TCF4: variants seen among roughly 807,000 people sequenced by gnomAD.
The protein encoded by TCF4 is transcription factor 4.
Under a neutral mutation model 82.1 loss-of-function variants are expected in TCF4, and 3 were observed. The ratio of observed to expected loss-of-function variants is 0.04; its 90% CI spans 0.02 to 0.09. TCF4 has a LOEUF of 0.09. Among genes scored for constraint, TCF4 ranks in the 10% least tolerant of loss-of-function variants. The pLI is 1.00. For missense variants in TCF4, 518 were observed against 852.7 expected (o/e 0.61, Z 4.89); for synonymous variants, 276 against 309.6 (o/e 0.89, Z 1.14).
intron 3 of TCF4, among the ~76,000 whole-genome samples, chr18:55,468,062 C>G (rs2096069984): frequency 6.6e-6 from 1 of 152,150 alleles, no homozygotes; most frequent in African/African-American, 2.4e-5. Flanking sequence ...GCTGAACGTT[C>G]CCTCCTGTCA....
intron 3 of TCF4, among the ~76,000 whole-genome samples, chr18:55,468,755 G>T (rs1485523277): frequency 6.6e-6 from 1 of 152,034 alleles, no homozygotes; most frequent in Non-Finnish European, 1.5e-5. Flanking sequence ...TGTGGTATGA[G>T]AAGTGTTTAC....
At chr18:55,423,380 AAAACTCCACGCACACACGCGTGCGCAG>A (rs532536002) in intron 5 of TCF4, 1 of 151,192 alleles carries the variant, frequency 6.6e-6, no homozygotes, top group African/African-American at 2.4e-5. Flanking sequence ...AGGCAGCATT[AAAACTCCACGCACACACGCGTGCGCAG>A]GAGAGGCACA....
At chr18:55,235,356 C>T (rs1166255833) in intron 15 of TCF4, among the ~76,000 whole-genome samples, 2 of 152,124 alleles carry the variant, frequency 1.3e-5, no homozygotes, top group Non-Finnish European at 2.9e-5. Context: ...GGAAAATGTA[C>T]CAATAAAGGT....
rs1391681420 is a variant in TCF4, at chr18:55,223,617, C to T, written c.*4418G>A. 1 of 151,616 alleles carries T rather than the reference C, an allele frequency of 6.6e-6. No individual in the cohort carries two copies. The highest frequency in any genetic ancestry group is 1.5e-5 in the Non-Finnish European group (1 of 67,882). The allele number at this position is 151,616 out of a possible 1,614,324, so 9.4% of individuals were successfully genotyped here. On this transcript the variant is annotated 3_prime_UTR_variant, in exon 20 of 20. Coordinates refer to ENST00000354452, the MANE Select transcript of TCF4 (RefSeq NM_001083962.2). The stretch of plus-strand genomic sequence containing the variant: ...TGGACACTTCTACAAATCAGAAATA[C>T]ACCAAAAACATGAAAAAATCGAGGC...
At chr18:55,251,230 T>C (rs538134793) in intron 15 of TCF4, among the ~76,000 whole-genome samples, 13 of 152,162 alleles carry the variant, frequency 8.5e-5, no homozygotes, top group African/African-American at 3.1e-4. Flanking sequence ...GGAAGGTTTT[T>C]GAGCAGGAAA....
chr18:55,568,548 TTTAA>T (rs1236702545), intron 3 of TCF4, among the ~76,000 whole-genome samples: 1 of 151,806 alleles, frequency 6.6e-6, no homozygotes, highest in Non-Finnish European at 1.5e-5. Context: ...TATATATATA[TTTAA>T]TTGTTAAAGT....
chr18:55,458,594 C>T (rs1229021201), intron 5 of TCF4, among the ~76,000 whole-genome samples: 1 of 152,146 alleles, frequency 6.6e-6, no homozygotes, highest in African/African-American at 2.4e-5. Context: ...AAATATGGCT[C>T]ATCTGAAAAG....
intron 3 of TCF4, among the ~76,000 whole-genome samples, chr18:55,568,132 A>T (rs1013633324): frequency 6.6e-6 from 1 of 151,546 alleles, no homozygotes; most frequent in African/African-American, 2.4e-5. Flanking sequence ...AGAAATTATG[A>T]TAAATTAGTG....
intron 3 of TCF4, among the ~76,000 whole-genome samples, chr18:55,583,088 T>A (rs1349474219): frequency 6.6e-6 from 1 of 152,136 alleles, no homozygotes; most frequent in Non-Finnish European, 1.5e-5. Context: ...GTACCCTACA[T>A]ATTATAATCA....
chr18:55,250,851 A>T (rs2054847320), intron 15 of TCF4, among the ~76,000 whole-genome samples: 1 of 152,140 alleles, frequency 6.6e-6, no homozygotes, highest in African/African-American at 2.4e-5. Flanking sequence ...AGCTATGCGG[A>T]GCTGGTTAAG....
intron 3 of TCF4, among the ~76,000 whole-genome samples, chr18:55,488,947 AT>A: frequency 6.6e-6 from 1 of 152,204 alleles, no homozygotes; most frequent in Non-Finnish European, 1.5e-5. Context: ...TAATCCTCCA[AT>A]TTACCCCACA....
chr18:55,344,372 T>C (rs552531381), intron 8 of TCF4, among the ~76,000 whole-genome samples: 3 of 152,292 alleles, frequency 2.0e-5, no homozygotes, highest in East Asian at 1.9e-4. Context: ...CTGGATGCCA[T>C]AGAAAAAGGT....
chr18:55,267,430 G>A (rs547410579), intron 11 of TCF4: 37 of 152,142 alleles, frequency 2.4e-4, no homozygotes, highest in African/African-American at 8.2e-4. Context: ...TGCCATCACT[G>A]ACTTCTACCA....
intron 3 of TCF4, among the ~76,000 whole-genome samples, chr18:55,570,534 T>C (rs2097453834): frequency 6.6e-6 from 1 of 152,068 alleles, no homozygotes; most frequent in Admixed American, 6.5e-5. Context: ...ATGAATGATC[T>C]GAAATAAATA....
chr18:55,518,270 A>G (rs2096901865), intron 3 of TCF4, among the ~76,000 whole-genome samples: 1 of 152,218 alleles, frequency 6.6e-6, no homozygotes, highest in South Asian at 2.1e-4. Context: ...TTCATCAGGT[A>G]CAGTTAAGTA....
rs900802383 is a variant in TCF4, at chr18:55,241,573, T to G, written c.1351-6890A>C. On this transcript the variant is annotated intron_variant, in intron 15 of 19. Coordinates refer to ENST00000354452, the MANE Select transcript of TCF4 (RefSeq NM_001083962.2). ...TGAATGCCTGAAGTGCAAGCATACC[T>G]GTGAGAGTGCACAGTCATGCTGCTG... Among the ~76,000 whole-genome samples, 3 of 152,224 alleles carry G rather than the reference T, an allele frequency of 2.0e-5. No individual in the cohort carries two copies. In the East Asian group the frequency reaches 5.8e-4, roughly 29 times the overall value.
chr18:55,295,687 C>T (rs1410244496), intron 8 of TCF4, among the ~76,000 whole-genome samples: 1 of 152,174 alleles, frequency 6.6e-6, no homozygotes, highest in East Asian at 1.9e-4. Flanking sequence ...GCTTTTTGAT[C>T]AGGCCACTGT....
At chr18:55,559,172 A>G (rs2097333379) in intron 3 of TCF4, among the ~76,000 whole-genome samples, 1 of 151,432 alleles carries the variant, frequency 6.6e-6, no homozygotes, top group Admixed American at 6.6e-5. Flanking sequence ...AAAAAAAGTA[A>G]TTGTAAGTTA....
chr18:55,261,445 C>G (rs1418901236), intron 12 of TCF4, 21 bp downstream of exon 12: 1 of 1,613,502 alleles, frequency 6.2e-7, no homozygotes, highest in Non-Finnish European at 8.5e-7. Context: ...CATATGGAGT[C>G]CAAAGTCAAT....
Sources: allele counts gnomAD v4.1 joint callset (sites outside exome capture counted in the v4.1 genomes callset), GRCh38; gene constraint gnomAD v4.1.1; transcripts MANE v1.5; gene names NCBI Gene and HGNC (gene_info 2026-07-23, HGNC 2026-07-21).